UBE3C: variants seen among roughly 807,000 people sequenced by gnomAD.
UBE3C encodes the protein ubiquitin protein ligase E3C.
Under a neutral mutation model 129.4 loss-of-function variants are expected in UBE3C, and 42 were observed. The ratio of observed to expected loss-of-function variants is 0.32; its 90% CI spans 0.25 to 0.42. The LOEUF (loss-of-function observed/expected upper bound fraction) is 0.42. Among genes scored for constraint, UBE3C ranks in the 10% least tolerant of loss-of-function variants. The pLI is 1.00. For synonymous variants in UBE3C, 510 were observed against 492.4 expected (o/e 1.04, Z -0.47); for missense variants, 1,049 against 1,319.1 (o/e 0.80, Z 3.17).
intron 18 of UBE3C, among the ~76,000 whole-genome samples, chr7:157,233,510 C>T (rs975210016): frequency 2.0e-5 from 3 of 152,074 alleles, no homozygotes; most frequent in Non-Finnish European, 4.4e-5. Context: ...GAACTCCTGG[C>T]GTCAAGCAAT....
intron 14 of UBE3C, among the ~76,000 whole-genome samples, chr7:157,220,106 G>A (rs1398211117): frequency 6.6e-6 from 1 of 152,150 alleles, no homozygotes; most frequent in Non-Finnish European, 1.5e-5. Context: ...AGCTACTCAG[G>A]AGGCTGAGGT....
intron 13 of UBE3C, among the ~76,000 whole-genome samples, chr7:157,211,454 T>C (rs1289375700): frequency 6.6e-6 from 1 of 152,206 alleles, no homozygotes; most frequent in Non-Finnish European, 1.5e-5. Context: ...AGTAATTTTA[T>C]AGTGTTTTAA....
intron 22 of UBE3C, 55 bp from the exon 23 acceptor site, chr7:157,267,530 C>T: frequency 6.3e-7 from 1 of 1,596,668 alleles, no homozygotes; most frequent in East Asian, 2.2e-5. Context: ...TGTATTAAAA[C>T]TCATGTAATG....
intron 13 of UBE3C, among the ~76,000 whole-genome samples, chr7:157,208,801 AGAAAAG>A (rs1809510806): frequency 6.6e-6 from 1 of 152,246 alleles, no homozygotes; most frequent in African/African-American, 2.4e-5. Flanking sequence ...ATGGAAAAAA[AGAAAAG>A]GAAAAGGGTG....
intron 1 of UBE3C, among the ~76,000 whole-genome samples, chr7:157,148,097 GTTTTA>G (rs1344068589): frequency 6.7e-6 from 1 of 148,984 alleles, no homozygotes; most frequent in Non-Finnish European, 1.5e-5. Flanking sequence ...TAGTTTTTTT[GTTTTA>G]TTTTGTTTTT....
chr7:157,168,841 GTGATGAAGGTATTC>G (rs1808289383), intron 2 of UBE3C, among the ~76,000 whole-genome samples, 193 bp from the exon 3 acceptor site: 1 of 152,186 alleles, frequency 6.6e-6, no homozygotes, highest in African/African-American at 2.4e-5. Context: ...TCTGGTTGTG[GTGATGAAGGTATTC>G]TAAGATCAGT....
chr7:157,261,305 T>TGG (rs201008953), intron 22 of UBE3C, among the ~76,000 whole-genome samples: 1 of 16,888 alleles, frequency 5.9e-5, no homozygotes, highest in African/African-American at 1.5e-4. Flanking sequence ...AAACTCTGTC[T>TGG]GAAAAAAAAA....
chr7:157,218,307 C>T (rs749587397), intron 14 of UBE3C, among the ~76,000 whole-genome samples: 8 of 151,690 alleles, frequency 5.3e-5, no homozygotes, highest in Non-Finnish European at 8.8e-5. Flanking sequence ...TAGCCAGGCA[C>T]GGTGGTGTGC....
Position 157,216,882 on chromosome 7 carries a change from G to A in UBE3C, c.1825G>A (p.Val609Met), listed in dbSNP as rs1795593638. The A allele has an allele frequency of 6.2e-7, 1 of 1,613,886 alleles. No homozygotes were observed. The highest frequency in any genetic ancestry group is 8.5e-7 in the Non-Finnish European group (1 of 1,179,910). ...IQLFKVITNL[V>M]KMLKSRDTRR... is the part of the protein sequence containing the mutation. ...TTCTTTTCAGGTTATCACCAATCTA[G>A]TGAAAATGTTGAAGTCCAGAGACAC... The change falls in exon 14 of 23, where the codon GTG (valine) becomes ATG (methionine). Residue 609 changes from valine to methionine, a missense_variant. By Grantham distance (21) the Val-to-Met change is conservative (BLOSUM62 1). Transcript: ENST00000348165.
At chr7:157,140,152 G>A (rs567011540) in intron 1 of UBE3C, 287 of 415,978 alleles carry the variant, frequency 6.9e-4, no homozygotes, top group Non-Finnish European at 8.7e-4. Context: ...GTGTGGTCTT[G>A]TTCCCGCCCC....
intron 13 of UBE3C, among the ~76,000 whole-genome samples, chr7:157,214,259 ATAAT>A (rs1348099049): frequency 1.3e-4 from 19 of 151,996 alleles, no homozygotes; most frequent in African/African-American, 4.3e-4. Context: ...TAATTGTATA[ATAAT>A]TTAGTAGAAG....
At chr7:157,197,592 G>A in intron 10 of UBE3C, 1 of 1,587,580 alleles carries the variant, frequency 6.3e-7, no homozygotes, top group Non-Finnish European at 8.6e-7. Flanking sequence ...GCATGGATAG[G>A]AACAATATTA....
chr7:157,166,403 T>C (rs1026473682), intron 2 of UBE3C, among the ~76,000 whole-genome samples: 1 of 152,232 alleles, frequency 6.6e-6, no homozygotes, highest in African/African-American at 2.4e-5. Context: ...TCTGACTTCT[T>C]TGTATTTTTC....
intron 18 of UBE3C, among the ~76,000 whole-genome samples, chr7:157,236,243 T>C (rs1282520329): frequency 2.7e-5 from 4 of 145,938 alleles, no homozygotes; most frequent in African/African-American, 9.9e-5. Context: ...TCTTGAACTT[T>C]TTTTTACAGA....
chr7:157,170,376 A>G lies in UBE3C; in HGVS notation c.268A>G (p.Asn90Asp), dbSNP rs746328697. 1.9e-6 allele frequency: 3 copies of G among 1,577,732 alleles called. No individual in the cohort carries two copies. Among genetic ancestry groups the G allele is most frequent in the Non-Finnish European group, 2.6e-6 (3 of 1,164,600 alleles). ...GTCCGGGGGCGCTTTTCCCATTGCT[A>G]ATGGCCCCAACCTTACCCTTTTGGT... ...SQSGGAFPIA[N>D]GPNLTLLVRQ... Residue 90 changes from asparagine (N) to aspartate (D), a missense_variant, in exon 4 of 23, where the codon AAT becomes GAT. Asn to Asp is a conservative substitution (Grantham distance 23). This residue lies in a region of UBE3C where 489 missense variants were observed against 513.8 expected (regional missense o/e 0.95). Transcript: ENST00000348165.
chr7:157,200,882 C>T lies in UBE3C; in HGVS notation c.1332-839C>T, dbSNP rs564687831. Among the ~76,000 whole-genome samples the T allele has an allele frequency of 5.3e-5, 8 of 152,244 alleles. No individual in the cohort carries two copies. The East Asian group carries it at 1.5e-3, about 29-fold the overall frequency. Reference sequence around the variant, plus strand: ...CTGCCTCCTTTGGCCTCCCAAAGTGCTGGGATTACAGGCATGAGCCACCGT... The same window carrying T: ...CTGCCTCCTTTGGCCTCCCAAAGTGTTGGGATTACAGGCATGAGCCACCGT... On this transcript the variant is annotated intron_variant, in intron 10 of 22. Transcript: ENST00000348165.
At chr7:157,178,300 A>G (rs1489174672) in intron 5 of UBE3C, among the ~76,000 whole-genome samples, 1 of 152,230 alleles carries the variant, frequency 6.6e-6, no homozygotes, top group Admixed American at 6.5e-5. Flanking sequence ...TCTCAAAAGC[A>G]TCTTTAAGGA....
rs73492570 is a variant in UBE3C, at chr7:157,172,358, G to A, written c.342+1908G>A. ...CAGGTTAAATATATAATTTATTTTT[G>A]GAAATTTTTGTTTATCTGTGTTAAA... On this transcript the variant is annotated intron_variant, in intron 4 of 22. Transcript: ENST00000348165. 3.3e-3 allele frequency among the ~76,000 whole-genome samples: 503 copies of A among 152,088 alleles called. 6 individuals are homozygous for A. The highest frequency in any genetic ancestry group is 0.012 in the African/African-American group (484 of 41,490).
chr7:157,164,033 A>G (rs1268942681), intron 2 of UBE3C, among the ~76,000 whole-genome samples, 170 bp downstream of exon 2: 2 of 152,138 alleles, frequency 1.3e-5, no homozygotes, highest in Non-Finnish European at 2.9e-5. Context: ...CGGTGTAGAA[A>G]GAGATGGACT....
Sources: allele counts gnomAD v4.1 joint callset (sites outside exome capture counted in the v4.1 genomes callset), GRCh38; gene constraint gnomAD v4.1.1; regional missense constraint gnomAD v4.1.1; transcripts MANE v1.5; gene names NCBI Gene and HGNC (gene_info 2026-07-23, HGNC 2026-07-21).